RIN2: variants seen among roughly 807,000 people sequenced by gnomAD.
RIN2 encodes RAB5 interacting protein 2.
RIN2 carries 36 observed loss-of-function variants against 78.0 expected under a neutral mutation model. The observed-to-expected ratio is 0.46, with a 90% CI of 0.35 to 0.61. The LOEUF (loss-of-function observed/expected upper bound fraction) is 0.61. Ranked by LOEUF, RIN2 falls within the 20% of genes least tolerant of loss-of-function variation. RIN2 has a pLI of 0.00. For synonymous variants in RIN2, 466 were observed against 466.8 expected, an observed-to-expected ratio of 1.00 and a Z score of 0.02; for missense variants, 1,087 against 1,159.7, an observed-to-expected ratio of 0.94 and a Z score of 0.91.
intron 7 of RIN2, among the ~76,000 whole-genome samples, chr20:19,968,699 T>C (rs1193060855): frequency 6.6e-6 from 1 of 152,212 alleles, no homozygotes; most frequent in Non-Finnish European, 1.5e-5. Flanking sequence ...AAAAGCTTAA[T>C]ATAAACACAG....
intron 2 of RIN2, among the ~76,000 whole-genome samples, chr20:19,850,230 T>C (rs2036916903): frequency 6.6e-6 from 1 of 152,240 alleles, no homozygotes; most frequent in African/African-American, 2.4e-5. Flanking sequence ...CTTGCCGTTT[T>C]TAACCTCCCT....
chr20:19,764,132 C>T (rs1486574770), intron 1 of RIN2, among the ~76,000 whole-genome samples: 1 of 151,748 alleles, frequency 6.6e-6, no homozygotes, highest in Non-Finnish European at 1.5e-5. Context: ...TTTTATGTAC[C>T]TGATTTTATT....
At chr20:19,998,364 A>C (rs577438097) in intron 12 of RIN2, among the ~76,000 whole-genome samples, 1 of 152,212 alleles carries the variant, frequency 6.6e-6, no homozygotes, top group Non-Finnish European at 1.5e-5. Flanking sequence ...TTAGAGGCTA[A>C]GGCAGGAAGA....
chr20:19,992,294 G>A lies in RIN2; in HGVS notation c.2195G>A (p.Gly732Glu). Residue 732 changes from glycine to glutamate, a missense_variant, in exon 11 of 13, where the codon GGA becomes GAA. Gly to Glu is a moderately conservative substitution (Grantham distance 98). Around this residue, in one of 8 missense-constraint regions of RIN2, gnomAD observed 45 missense variants for 88.1 expected, o/e 0.51. Transcript: ENST00000255006. ...CTCCTAGACCCATCGCTGTTACATGGAGAAGGTAACTGCTTTTGAGAAAAG... is the reference window on the plus strand; with the variant it reads ...CTCCTAGACCCATCGCTGTTACATGAAGAAGGTAACTGCTTTTGAGAAAAG... ...MELLDPSLLHGEGGYYLTSAY... is the reference protein window; with the variant it reads ...MELLDPSLLHEEGGYYLTSAY... 2 of 1,560,656 alleles carry A rather than the reference G, an allele frequency of 1.3e-6. No individual in the cohort carries two copies. Among genetic ancestry groups the A allele is most frequent in the Non-Finnish European group, 1.7e-6 (2 of 1,151,786 alleles).
intron 2 of RIN2, among the ~76,000 whole-genome samples, chr20:19,815,851 T>C (rs1012900289): frequency 1.3e-5 from 2 of 152,220 alleles, no homozygotes; most frequent in Admixed American, 1.3e-4. Context: ...ACGATGAAAG[T>C]TGTTGTAGCA....
rs573988119 is a variant in RIN2 at position 19,861,789 on chromosome 20, T to C, written c.-36-27777T>C. Among the ~76,000 whole-genome samples the C allele has an allele frequency of 2.4e-3, 361 of 151,768 alleles. 1 individual carries two copies. The highest frequency in any genetic ancestry group is 8.1e-3 in the African/African-American group (334 of 41,364). On this transcript the variant is annotated intron_variant, in intron 2 of 12. Transcript: ENST00000255006. The stretch of plus-strand genomic sequence containing the variant: ...TCTGATGATCACCCTCCATATCTGA[T>C]GATCACCCTCCATATCTAATGATGA...
chr20:19,903,144 C>T (rs1437836124), intron 3 of RIN2, among the ~76,000 whole-genome samples: 1 of 152,078 alleles, frequency 6.6e-6, no homozygotes, highest in African/African-American at 2.4e-5. Context: ...AACTTAGCAT[C>T]CTGTATTTTC....
At chr20:19,793,250 G>A (rs2034945550) in intron 1 of RIN2, among the ~76,000 whole-genome samples, 1 of 152,106 alleles carries the variant, frequency 6.6e-6, no homozygotes, top group African/African-American at 2.4e-5. Flanking sequence ...ATTTATTACT[G>A]AAGCATTTAA....
chr20:19,906,489 G>A (rs1286921278), intron 3 of RIN2, among the ~76,000 whole-genome samples: 1 of 152,180 alleles, frequency 6.6e-6, no homozygotes, highest in African/African-American at 2.4e-5. Context: ...CATCAGAGGT[G>A]TTAACCTTGG....
chr20:20,000,976 G>A lies in RIN2; in HGVS notation c.*40G>A. 6.5e-7 allele frequency: 1 copy of A among 1,543,622 alleles called. No individual in the cohort carries two copies. Among genetic ancestry groups the A allele is most frequent in the Non-Finnish European group, 8.8e-7 (1 of 1,139,968 alleles). ...TTCCCAGTGGTGCATCCAAAGGGGA[G>A]CTGGAAGCCTTGCCTTCCCGCTTCT... On this transcript the variant is annotated 3_prime_UTR_variant, in exon 13 of 13. Transcript: ENST00000255006.
intron 3 of RIN2, among the ~76,000 whole-genome samples, chr20:19,896,332 G>T (rs999693233): frequency 2.6e-5 from 4 of 152,144 alleles, no homozygotes; most frequent in Non-Finnish European, 5.9e-5. Context: ...GGGATTACAG[G>T]CATGCGCCAC....
At chr20:19,849,023 T>C (rs1296364936) in intron 2 of RIN2, among the ~76,000 whole-genome samples, 1 of 152,206 alleles carries the variant, frequency 6.6e-6, no homozygotes. Context: ...TTCCGTACAA[T>C]GGTCACTACC....
rs533798067 is a variant in RIN2 at position 19,875,751 on chromosome 20, C to T, written c.-36-13815C>T. Among the ~76,000 whole-genome samples, 7 of 152,000 alleles carry T rather than the reference C, an allele frequency of 4.6e-5. No homozygotes were observed. In the East Asian group the frequency reaches 5.8e-4, roughly 13 times the overall value. On this transcript the variant is annotated intron_variant, in intron 2 of 12. Transcript: ENST00000255006. ...ATGCAGACATTTAAATCACTCAACA[C>T]GTTCCCAGCAGAATGTGTCCTTTGG...
intron 2 of RIN2, among the ~76,000 whole-genome samples, chr20:19,812,753 C>G (rs1001959871): frequency 1.3e-5 from 2 of 152,174 alleles, no homozygotes; most frequent in African/African-American, 4.8e-5. Context: ...AAAGGAAGAG[C>G]AAGATCAGAC....
intron 3 of RIN2, among the ~76,000 whole-genome samples, chr20:19,897,944 G>A (rs1237449976): frequency 1.3e-5 from 2 of 152,072 alleles, no homozygotes; most frequent in East Asian, 1.9e-4. Context: ...GAACTCTTGG[G>A]CTCAAGTGAC....
At chr20:19,960,265 C>A (rs1414157530) in intron 5 of RIN2, among the ~76,000 whole-genome samples, 2 of 152,208 alleles carry the variant, frequency 1.3e-5, no homozygotes, top group Non-Finnish European at 2.9e-5. Flanking sequence ...TCCTCATAAG[C>A]CAAGTTAACC....
At chr20:19,930,929 G>A (rs1018145903) in intron 3 of RIN2, among the ~76,000 whole-genome samples, 3 of 152,110 alleles carry the variant, frequency 2.0e-5, no homozygotes, top group Admixed American at 6.6e-5. Context: ...ACTGTCAAAT[G>A]TCATCATTTC....
At chr20:19,790,901 C>G (rs1219683719) in intron 1 of RIN2, among the ~76,000 whole-genome samples, 2 of 152,210 alleles carry the variant, frequency 1.3e-5, no homozygotes, top group Admixed American at 1.3e-4. Context: ...CAGACCATGA[C>G]CTGGCCTGCC....
chr20:19,844,054 T>A (rs1157666377), intron 2 of RIN2, among the ~76,000 whole-genome samples: 1 of 152,168 alleles, frequency 6.6e-6, no homozygotes, highest in African/African-American at 2.4e-5. Flanking sequence ...TTCAATATGA[T>A]GGTAAATCAT....
Sources: allele counts gnomAD v4.1 joint callset (sites outside exome capture counted in the v4.1 genomes callset), GRCh38; gene constraint gnomAD v4.1.1; regional missense constraint gnomAD v4.1.1; transcripts MANE v1.5; gene names NCBI Gene and HGNC (gene_info 2026-07-23, HGNC 2026-07-21).